Variants in MBD5 observed in about 807,000 individuals in gnomAD.
The protein encoded by MBD5 is methyl-CpG-binding domain protein 5.
A neutral mutation model predicts 117.3 loss-of-function variants in MBD5; 13 were observed. That is an observed-to-expected ratio of 0.11 (90% CI 0.07 to 0.18). MBD5 has a LOEUF of 0.18. MBD5 is among the 10% of genes least tolerant of loss of function. The pLI is 1.00. For missense variants in MBD5, 1,879 were observed against 2,093.8 expected (o/e 0.90, Z 2.00); for synonymous variants, 727 against 766.4 (o/e 0.95, Z 0.85).
rs1283412400 is a variant in MBD5 at position 148,458,321 on chromosome 2, C to T, written c.-438C>T. The T allele has an allele frequency of 4.9e-6, 2 of 411,022 alleles. No individual in the cohort carries two copies. The highest frequency in any genetic ancestry group is 8.6e-6 in the Non-Finnish European group (2 of 232,718). The allele number at this position is 411,022 out of a possible 1,614,324, so 25.5% of individuals were successfully genotyped here. On this transcript the variant is annotated 5_prime_UTR_variant, in exon 5 of 14. Coordinates refer to ENST00000642680, the MANE Select transcript of MBD5 (RefSeq NM_001378120.1). ...AGAATGTGGCCTATAAAGGCGGGTA[C>T]CTGGAAATATTAACCGACTCACACT...
intron 1 of MBD5, among the ~76,000 whole-genome samples, chr2:148,022,339 C>CT (rs564881073): frequency 2.0e-5 from 3 of 150,500 alleles, no homozygotes; most frequent in Non-Finnish European, 3.0e-5. Flanking sequence ...TGCATTATTG[C>CT]TTTTTTTTTG....
At chr2:148,255,005 T>C (rs1159130948) in intron 3 of MBD5, among the ~76,000 whole-genome samples, 1 of 152,232 alleles carries the variant, frequency 6.6e-6, no homozygotes, top group Non-Finnish European at 1.5e-5. Context: ...TCTCTGCAGA[T>C]GCTGAATGCA....
intron 1 of MBD5, among the ~76,000 whole-genome samples, chr2:148,149,206 T>TG (rs1425033960): frequency 7.0e-6 from 1 of 142,144 alleles, no homozygotes; most frequent in East Asian, 2.0e-4. Context: ...TTTTTGTTCT[T>TG]GCGATAGTTT....
chr2:148,077,759 A>G (rs967158464), intron 1 of MBD5, among the ~76,000 whole-genome samples: 2 of 152,314 alleles, frequency 1.3e-5, no homozygotes, highest in South Asian at 2.1e-4. Flanking sequence ...GGATTGTTCT[A>G]AAGCAGTTTT....
At chr2:148,403,958 G>A (rs1399540258) in intron 4 of MBD5, among the ~76,000 whole-genome samples, 2 of 151,820 alleles carry the variant, frequency 1.3e-5, no homozygotes, top group Non-Finnish European at 2.9e-5. Flanking sequence ...TTTCAAAAAT[G>A]TTATATAAAT....
chr2:148,023,221 G>A (rs1377578571), intron 1 of MBD5, among the ~76,000 whole-genome samples: 2 of 151,810 alleles, frequency 1.3e-5, no homozygotes, highest in African/African-American at 4.8e-5. Flanking sequence ...AACTAGAAAG[G>A]ATTGAAGAAA....
chr2:148,186,439 A>G (rs764778481), intron 2 of MBD5, among the ~76,000 whole-genome samples: 2 of 152,222 alleles, frequency 1.3e-5, no homozygotes, highest in Non-Finnish European at 2.9e-5. Context: ...AAAAAGAAGC[A>G]GTCACAATCC....
intron 1 of MBD5, among the ~76,000 whole-genome samples, chr2:148,022,418 A>G (rs1168480556): frequency 6.6e-6 from 1 of 152,220 alleles, no homozygotes; most frequent in Non-Finnish European, 1.5e-5. Flanking sequence ...TTTAAATGCC[A>G]CTGCTATTGT....
intron 4 of MBD5, among the ~76,000 whole-genome samples, chr2:148,374,334 G>A (rs1703937787): frequency 1.3e-5 from 2 of 151,828 alleles, no homozygotes; most frequent in Non-Finnish European, 2.9e-5. Flanking sequence ...GAACAATTCT[G>A]AATGTATATG....
At chr2:148,308,699 T>G (rs1481243582) in intron 3 of MBD5, among the ~76,000 whole-genome samples, 2 of 152,022 alleles carry the variant, frequency 1.3e-5, no homozygotes, top group Non-Finnish European at 2.9e-5. Flanking sequence ...TGGCATTGCT[T>G]TTGGTATTTT....
At chr2:148,508,795 C>T (rs889580511) in intron 12 of MBD5, among the ~76,000 whole-genome samples, 15 of 152,204 alleles carry the variant, frequency 9.9e-5, no homozygotes, top group African/African-American at 3.6e-4. Context: ...AACATAGGAC[C>T]ATCTGGGCCA....
intron 4 of MBD5, among the ~76,000 whole-genome samples, chr2:148,424,028 A>G (rs1705693166): frequency 6.6e-6 from 1 of 151,434 alleles, no homozygotes; most frequent in Non-Finnish European, 1.5e-5. Flanking sequence ...AATACAAAAA[A>G]TTACCCATGC....
chr2:148,242,428 C>T (rs1700234635), intron 3 of MBD5, among the ~76,000 whole-genome samples: 1 of 151,992 alleles, frequency 6.6e-6, no homozygotes, highest in Non-Finnish European at 1.5e-5. Flanking sequence ...GAATTAACTG[C>T]AATTCTGAGG....
intron 1 of MBD5, among the ~76,000 whole-genome samples, chr2:148,139,968 A>G (rs1394357473): frequency 6.6e-6 from 1 of 152,198 alleles, no homozygotes; most frequent in Non-Finnish European, 1.5e-5. Context: ...CCAATTAGTA[A>G]ATATTGTTGC....
intron 3 of MBD5, among the ~76,000 whole-genome samples, chr2:148,291,513 GA>G (rs1701500390): frequency 1.3e-5 from 2 of 152,182 alleles, no homozygotes; most frequent in South Asian, 4.1e-4. Context: ...CCCGTTTAGA[GA>G]AAATAACCAA....
chr2:148,223,570 T>C (rs1699745941), intron 2 of MBD5, among the ~76,000 whole-genome samples: 1 of 152,208 alleles, frequency 6.6e-6, no homozygotes, highest in South Asian at 2.1e-4. Flanking sequence ...GAGTAATTAA[T>C]GATCATTTGA....
intron 1 of MBD5, among the ~76,000 whole-genome samples, chr2:148,176,313 T>G (rs889881720): frequency 4.0e-5 from 6 of 151,326 alleles, no homozygotes; most frequent in Non-Finnish European, 7.4e-5. Flanking sequence ...TGTTTTTTTT[T>G]TTTTTTTTTC....
chr2:148,268,215 T>G (rs1700903995), intron 3 of MBD5, among the ~76,000 whole-genome samples: 1 of 152,140 alleles, frequency 6.6e-6, no homozygotes, highest in Non-Finnish European at 1.5e-5. Context: ...CCTTCCAAAG[T>G]GCTGGAATCA....
chr2:148,279,384 T>C, intron 3 of MBD5, among the ~76,000 whole-genome samples: 1 of 152,186 alleles, frequency 6.6e-6, no homozygotes, highest in African/African-American at 2.4e-5. Flanking sequence ...GAGCTATGAT[T>C]GCACAACTGC....
Sources: allele counts gnomAD v4.1 joint callset (sites outside exome capture counted in the v4.1 genomes callset), GRCh38; gene constraint gnomAD v4.1.1; transcripts MANE v1.5; gene names NCBI Gene and HGNC (gene_info 2026-07-23, HGNC 2026-07-21).